KHDC1: variants seen among roughly 807,000 people sequenced by gnomAD.
KHDC1 encodes the protein KH domain containing 1.
A neutral mutation model predicts 24.7 loss-of-function variants in KHDC1; 21 were observed. The ratio of observed to expected loss-of-function variants is 0.85; its 90% CI spans 0.60 to 1.23. KHDC1 has a LOEUF of 1.23. Ranked by LOEUF, KHDC1 falls within the 50% of genes most tolerant of loss-of-function variation. The probability of loss-of-function intolerance (pLI) is 0.00; values close to 1 mark genes in which losing one functional copy is unlikely to be tolerated. For synonymous variants in KHDC1, 98 were observed against 111.7 expected, an observed-to-expected ratio of 0.88 and a Z score of 0.77; for missense variants, 274 against 298.5, an observed-to-expected ratio of 0.92 and a Z score of 0.61.
intron 2 of KHDC1, among the ~76,000 whole-genome samples, chr6:73,252,733 C>T (rs1170182866): frequency 1.3e-5 from 2 of 151,754 alleles, no homozygotes; most frequent in Non-Finnish European, 2.9e-5. Flanking sequence ...TGGAGAATGG[C>T]TTGAGTCTGG....
chr6:73,276,189 T>C (rs474984), intron 2 of KHDC1: 143,186 of 151,682 alleles, frequency 0.94, 68,131 homozygotes, highest in East Asian at 1. Context: ...AGTGAGATTC[T>C]GTCTAAAAAA....
At chr6:73,285,134 C>T (rs1007832061) in intron 2 of KHDC1, among the ~76,000 whole-genome samples, 7 of 152,070 alleles carry the variant, frequency 4.6e-5, no homozygotes, top group Middle Eastern at 3.4e-3. Context: ...TGTGAGCCAC[C>T]CAGCGTGTCT....
chr6:73,278,216 C>T (rs1767337625), intron 2 of KHDC1, among the ~76,000 whole-genome samples: 1 of 150,338 alleles, frequency 6.7e-6, no homozygotes, highest in African/African-American at 2.4e-5. Context: ...GTTTCACCGC[C>T]ACATTGGCCA....
intron 1 of KHDC1, among the ~76,000 whole-genome samples, chr6:73,297,907 T>C (rs1462446210): frequency 6.6e-6 from 1 of 152,144 alleles, no homozygotes; most frequent in Non-Finnish European, 1.5e-5. Flanking sequence ...AATTCTGGCC[T>C]ACGGTGTCCT....
At chr6:73,277,156 C>A (rs1342867649) in intron 2 of KHDC1, among the ~76,000 whole-genome samples, 2 of 152,118 alleles carry the variant, frequency 1.3e-5, no homozygotes, top group African/African-American at 2.4e-5. Context: ...ATTCCATTCT[C>A]CTTAACTGTT....
intron 1 of KHDC1, chr6:73,293,299 T>A (rs1275243357): frequency 1.8e-6 from 1 of 566,554 alleles, no homozygotes; most frequent in Non-Finnish European, 3.3e-6. Flanking sequence ...GAAAAGATTT[T>A]AAAAAAACTC....
At chr6:73,251,368 T>C (rs1766774317) in intron 2 of KHDC1, among the ~76,000 whole-genome samples, 1 of 152,160 alleles carries the variant, frequency 6.6e-6, no homozygotes, top group African/African-American at 2.4e-5. Flanking sequence ...CTATCAAACC[T>C]GAGAAAATAC....
rs70994179 is a variant in KHDC1, at chr6:73,265,528, CAAA to C, written c.207-23001_207-22999del. Among the ~76,000 whole-genome samples the C allele has an allele frequency of 6.7e-4, 50 of 74,500 alleles. 1 individual carries two copies. Among genetic ancestry groups the C allele is most frequent in the Non-Finnish European group, 8.9e-4 (35 of 39,182 alleles). The allele number at this position is 74,500 out of a possible 152,430, so 48.9% of individuals were successfully genotyped here. On this transcript the variant is annotated intron_variant, in intron 2 of 4. Coordinates refer to ENST00000370384, the Ensembl canonical transcript of KHDC1. The stretch of plus-strand genomic sequence containing the variant: ...TGGGCAACTGAGCGAGACTCCGTCT[CAAA>C]AAAAAAAAAAAAAAAAAAAAAGTAA...
At position 73,252,152 on chromosome 6, in the gene KHDC1, C is replaced by T. The variant is rs1313546395; in HGVS notation, c.207-9622G>A. 2.0e-5 allele frequency among the ~76,000 whole-genome samples: 3 copies of T among 152,070 alleles called. No individual in the cohort carries two copies. In the East Asian group the frequency reaches 5.8e-4, roughly 29 times the overall value. On this transcript the variant is annotated intron_variant, in intron 2 of 4. Transcript: ENST00000370384. ...CTACCTCCCAGGCTCAAACAATTCC[C>T]ATGCCTCAGCTTCCTGAGCAGCAGG...
chr6:73,306,636 T>C (rs1290677480), intron 1 of KHDC1, among the ~76,000 whole-genome samples: 1 of 151,332 alleles, frequency 6.6e-6, no homozygotes, highest in Non-Finnish European at 1.5e-5. Context: ...TTCCCCAGAA[T>C]AGATAATACC....
chr6:73,267,713 C>A (rs1767098185), intron 2 of KHDC1, among the ~76,000 whole-genome samples: 1 of 152,174 alleles, frequency 6.6e-6, no homozygotes, highest in Non-Finnish European at 1.5e-5. Flanking sequence ...AGTGCAGATA[C>A]TTGGATGCCA....
At chr6:73,243,981 A>G (rs966403588) in intron 2 of KHDC1, among the ~76,000 whole-genome samples, 2 of 152,248 alleles carry the variant, frequency 1.3e-5, no homozygotes, top group Non-Finnish European at 1.5e-5. Context: ...TATTATTCCT[A>G]TTACTGGAAT....
chr6:73,292,991 A>G, intron 1 of KHDC1: 1 of 959,996 alleles, frequency 1.0e-6, no homozygotes, highest in Non-Finnish European at 1.7e-6. Context: ...CCACCAGTGT[A>G]TCAGCATTAA....
chr6:73,295,424 G>T (rs139796490), intron 1 of KHDC1, among the ~76,000 whole-genome samples: 34 of 152,216 alleles, frequency 2.2e-4, no homozygotes, highest in Middle Eastern at 3.4e-3. Context: ...AATCTAGGTC[G>T]GGCACAGTGG....
At position 73,282,133 on chromosome 6, in the gene KHDC1, G is replaced by A. The variant is rs1383936978; in HGVS notation, c.206+9865C>T. 4.7e-5 allele frequency among the ~76,000 whole-genome samples: 7 copies of A among 147,964 alleles called. 1 individual carries two copies. Among genetic ancestry groups the A allele is most frequent in the Non-Finnish European group, 7.5e-5 (5 of 66,704 alleles). The stretch of plus-strand genomic sequence containing the variant: ...CTCAGGAGGCTGAGGCATGAGAATT[G>A]CTTGTACTCGGAAGGCGAAGGTTGT... On this transcript the variant is annotated intron_variant, in intron 2 of 4. Coordinates refer to ENST00000370384, the Ensembl canonical transcript of KHDC1.
exon 1 of KHDC1, chr6:73,309,756 C>T (rs772125026): frequency 1.3e-6 from 2 of 1,545,580 alleles, no homozygotes; most frequent in South Asian, 1.2e-5. Flanking sequence ...CGCTAAGGCA[C>T]GAGTAGTACA....
chr6:73,263,078 C>T (rs1039703024), intron 2 of KHDC1: 2 of 941,150 alleles, frequency 2.1e-6, no homozygotes, highest in African/African-American at 1.8e-5. Context: ...GCAGCGGCGG[C>T]AGCGGCTGCA....
At chr6:73,297,682 A>G (rs879306239) in intron 1 of KHDC1, among the ~76,000 whole-genome samples, 1 of 152,200 alleles carries the variant, frequency 6.6e-6, no homozygotes, top group African/African-American at 2.4e-5. Flanking sequence ...AACAAAATCA[A>G]TGTATATGCT....
At chr6:73,258,852 T>G (rs983238745) in intron 2 of KHDC1, among the ~76,000 whole-genome samples, 1 of 152,218 alleles carries the variant, frequency 6.6e-6, no homozygotes, top group African/African-American at 2.4e-5. Context: ...CCTTCTGCCT[T>G]TCCCTAAGAC....
Sources: gnomAD v4.1 joint callset for allele counts (sites outside exome capture counted in the v4.1 genomes callset) on GRCh38, gnomAD v4.1.1 for gene constraint, MANE v1.5 for transcripts, NCBI Gene and HGNC (gene_info 2026-07-23, HGNC 2026-07-21) for gene names.